FAM135A: variants seen among roughly 807,000 people sequenced by gnomAD.
FAM135A encodes protein FAM135A.
A neutral mutation model predicts 146.8 loss-of-function variants in FAM135A; 79 were observed. That is an observed-to-expected ratio of 0.54 (90% CI 0.45 to 0.65). The LOEUF (loss-of-function observed/expected upper bound fraction) is 0.65. Among genes scored for constraint, FAM135A ranks in the 30% least tolerant of loss-of-function variants. The pLI is 0.00. For synonymous variants in FAM135A, 562 were observed against 603.6 expected (o/e 0.93, Z 1.01); for missense variants, 1,623 against 1,758.2 (o/e 0.92, Z 1.38).
intron 21 of FAM135A, among the ~76,000 whole-genome samples, chr6:70,558,351 C>T (rs575868124): frequency 3.9e-5 from 6 of 152,312 alleles, no homozygotes; most frequent in African/African-American, 7.2e-5. Flanking sequence ...AAAGCTCACA[C>T]GTTCCATGGA....
At position 70,552,445 on chromosome 6, in the gene FAM135A, A is replaced by G. The variant is rs544912827; in HGVS notation, c.4229-4305A>G. Among the ~76,000 whole-genome samples the G allele has an allele frequency of 1.5e-4, 22 of 149,542 alleles. No individual in the cohort carries two copies. In the East Asian group the frequency reaches 4.1e-3, roughly 28 times the overall value. The stretch of plus-strand genomic sequence containing the variant: ...GGGGGAAGGCAAGAGGAGGTAGTAA[A>G]GGGGGAATAGTTGAAGATTCTTTTT... On this transcript the variant is annotated intron_variant, in intron 20 of 21. Coordinates refer to ENST00000418814, the MANE Select transcript of FAM135A (RefSeq NM_001162529.3).
rs1794467427 is a variant in FAM135A at position 70,525,268 on chromosome 6, A to G, written c.2184A>G (p.Ser728=). ...CAAAGTGTCTTTCTATTGGAGAATC[A>G]TTAACTAAATTACGAAGTAATCTAC... is the stretch of plus-strand genomic sequence containing the variant. ...QEAKCLSIGE[S]LTKLRSNLPA... is the part of the protein sequence containing the mutation. The change falls in exon 15 of 22, where the codon TCA becomes TCG. Residue 728 remains serine (S), a synonymous_variant. Transcript: ENST00000418814. The G allele has an allele frequency of 1.3e-6, 2 of 1,599,984 alleles. 1 individual carries two copies. The highest frequency in any genetic ancestry group is 1.7e-6 in the Non-Finnish European group (2 of 1,174,748).
At chr6:70,494,525 A>G (rs929196893) in intron 11 of FAM135A, among the ~76,000 whole-genome samples, 1 of 152,054 alleles carries the variant, frequency 6.6e-6, no homozygotes, top group Non-Finnish European at 1.5e-5. Flanking sequence ...AAAATACACA[A>G]ATGTAAAGTC....
chr6:70,554,299 T>G (rs374670806), intron 20 of FAM135A, among the ~76,000 whole-genome samples: 39 of 152,338 alleles, frequency 2.6e-4, no homozygotes, highest in African/African-American at 8.2e-4. Flanking sequence ...GAAGATATAC[T>G]GGCCTGAAAT....
In FAM135A at chr6:70,524,358, G is replaced by A; in HGVS notation, c.1274G>A (p.Trp425Ter). 6.7e-7 allele frequency: 1 copy of A among 1,490,282 alleles called. No homozygotes were observed. The highest frequency in any genetic ancestry group is 8.9e-7 in the Non-Finnish European group (1 of 1,125,468). The allele number at this position is 1,490,282 out of a possible 1,614,324, so 92.3% of individuals were successfully genotyped here. The change falls in exon 15 of 22, where the codon TGG (tryptophan) becomes TAG (stop). Residue 425 changes from tryptophan to a stop codon, truncating the protein, a stop_gained. Coordinates refer to ENST00000418814, the MANE Select transcript of FAM135A (RefSeq NM_001162529.3). LOFTEE classifies it high-confidence loss of function. The part of the protein sequence containing the change: ...DSVTEDLDAP[W>*]MGIQNLQRSE... Reference sequence around the variant, plus strand: ...TGGATAAAAGACTTAGATGCACCCTGGATGGGAATTCAGAATCTTCAGAGA... The same window carrying A: ...TGGATAAAAGACTTAGATGCACCCTAGATGGGAATTCAGAATCTTCAGAGA...
chr6:70,495,597 T>C (rs1225656585), intron 11 of FAM135A, among the ~76,000 whole-genome samples: 1 of 152,092 alleles, frequency 6.6e-6, no homozygotes, highest in Non-Finnish European at 1.5e-5. Context: ...CCTTTGGGGA[T>C]ACACACACAC....
At position 70,534,312 on chromosome 6, in the gene FAM135A, C is replaced by CTTTTTTTTTT. The variant is rs1179072858; in HGVS notation, c.3965+474_3965+483dup. ...CAAAAATACTTTCAAAGTTTGTATACTTTTTTTTTTTTTTTTTTTTTTTTT... is the reference window on the plus strand; with the variant it reads ...CAAAAATACTTTCAAAGTTTGTATACTTTTTTTTTTTTTTTTTTTTTTTTTTTTTTTTTTT... On this transcript the variant is annotated intron_variant, in intron 18 of 21. Transcript: ENST00000418814. 5.6e-5 allele frequency among the ~76,000 whole-genome samples: 5 copies of CTTTTTTTTTT among 89,804 alleles called. 1 individual carries two copies. Among genetic ancestry groups the CTTTTTTTTTT allele is most frequent in the African/African-American group, 1.9e-4 (4 of 20,954 alleles). 58.9% of individuals were successfully genotyped at this position (89,804 alleles called of 152,430 possible).
In FAM135A at chr6:70,525,383, T is replaced by G. The variant is rs1794496400; in HGVS notation, c.2299T>G (p.Phe767Val). 1 of 1,613,752 alleles carries G rather than the reference T, an allele frequency of 6.2e-7. No individual in the cohort carries two copies. Among genetic ancestry groups the G allele is most frequent in the African/African-American group, 1.3e-5 (1 of 75,054 alleles). Reference protein sequence around the residue: ...DISATYASSRFSDSGVESEPS... With the variant: ...DISATYASSRVSDSGVESEPS... ...TAGTGCCACATATGCCTCATCTAGA[T>G]TTTCAGATTCAGGTGTTGAAAGTGA... The change falls in exon 15 of 22, where the codon TTT becomes GTT. Residue 767 changes from phenylalanine (F) to valine (V), a missense_variant. Phe to Val is a conservative substitution (Grantham distance 50). Coordinates refer to ENST00000418814, the MANE Select transcript of FAM135A (RefSeq NM_001162529.3).
chr6:70,428,556 T>TTTTA, intron 4 of FAM135A, 137 bp downstream of exon 4: 1 of 498,432 alleles, frequency 2.0e-6, no homozygotes, highest in Non-Finnish European at 3.3e-6. Context: ...CTCAGATAAA[T>TTTTA]TTTATTTATT....
chr6:70,438,213 GC>G (rs776735143), intron 4 of FAM135A, among the ~76,000 whole-genome samples: 1 of 152,106 alleles, frequency 6.6e-6, no homozygotes, highest in Non-Finnish European at 1.5e-5. Context: ...AGGCAGATTT[GC>G]AGGATTTAAG....
At chr6:70,427,803 T>A (rs1770541525) in intron 3 of FAM135A, among the ~76,000 whole-genome samples, 1 of 152,184 alleles carries the variant, frequency 6.6e-6, no homozygotes, top group South Asian at 2.1e-4. Flanking sequence ...AAGGAAAAAA[T>A]CTCTTTCTCT....
chr6:70,436,624 A>T (rs554086492), intron 4 of FAM135A, among the ~76,000 whole-genome samples: 1 of 152,352 alleles, frequency 6.6e-6, no homozygotes, highest in East Asian at 1.9e-4. Flanking sequence ...ATGAAAAAAA[A>T]ACAGTTGTGA....
Position 70,436,740 on chromosome 6 carries a change from T to C in FAM135A, c.77+8321T>C, listed in dbSNP as rs73474983. Among the ~76,000 whole-genome samples the C allele has an allele frequency of 4.1e-3, 620 of 152,338 alleles. 3 individuals are homozygous for C. Among genetic ancestry groups the C allele is most frequent in the African/African-American group, 0.014 (600 of 41,574 alleles). On this transcript the variant is annotated intron_variant, in intron 4 of 21. Transcript: ENST00000418814. ...AGGTGAGAAAGGATGTCTGCAGTCT[T>C]TGAAGGATCATTATAATGGATCATA... is the stretch of plus-strand genomic sequence containing the variant.
chr6:70,420,038 A>C (rs1275635685), intron 2 of FAM135A, among the ~76,000 whole-genome samples: 2 of 152,146 alleles, frequency 1.3e-5, no homozygotes, highest in Non-Finnish European at 2.9e-5. Flanking sequence ...TATTCAGACT[A>C]TCAGTATTTT....
chr6:70,457,891 G>T (rs1039424867), intron 5 of FAM135A, among the ~76,000 whole-genome samples: 1 of 151,728 alleles, frequency 6.6e-6, no homozygotes, highest in Non-Finnish European at 1.5e-5. Context: ...TCTTAGTTAT[G>T]TCTAGATTTA....
At chr6:70,558,172 A>G (rs905323114) in intron 21 of FAM135A, among the ~76,000 whole-genome samples, 8 of 152,222 alleles carry the variant, frequency 5.3e-5, no homozygotes, top group African/African-American at 1.9e-4. Context: ...AATGAAAACT[A>G]AGAGGAGAGG....
chr6:70,528,493 T>C (rs373962844), intron 16 of FAM135A, 41 bp downstream of exon 16: 10 of 1,420,668 alleles, frequency 7.0e-6, no homozygotes, highest in Admixed American at 2.6e-5. Context: ...CAACTCAATA[T>C]ATTTTTTTCC....
At chr6:70,499,300 CTGTTTGTT>C (rs551544699) in intron 11 of FAM135A, among the ~76,000 whole-genome samples, 97 of 152,126 alleles carry the variant, frequency 6.4e-4, no homozygotes, top group African/African-American at 2.2e-3. Context: ...TCATCCCCTG[CTGTTTGTT>C]TGTTTGTTTG....
intron 7 of FAM135A, 79 bp downstream of exon 7, chr6:70,475,812 T>A: frequency 1.8e-6 from 2 of 1,135,422 alleles, no homozygotes; most frequent in Non-Finnish European, 2.6e-6. Context: ...ATTTTCCTCT[T>A]AAAATTCATC....
Sources: gnomAD v4.1 joint callset for allele counts (sites outside exome capture counted in the v4.1 genomes callset) on GRCh38, gnomAD v4.1.1 for gene constraint, MANE v1.5 for transcripts, NCBI Gene and HGNC (gene_info 2026-07-23, HGNC 2026-07-21) for gene names.